LTBP1: variants seen among roughly 807,000 people sequenced by gnomAD.
The protein encoded by LTBP1 is latent-transforming growth factor beta-binding protein 1.
In LTBP1, 129 loss-of-function variants were observed where a neutral mutation model predicts 207.6. The ratio of observed to expected loss-of-function variants is 0.62; its 90% confidence interval spans 0.54 to 0.72. The LOEUF is 0.72. Among genes scored for constraint, LTBP1 ranks in the 30% least tolerant of loss-of-function variants. The pLI is 0.00. For missense variants in LTBP1, 2,281 were observed against 2,217.2 expected (o/e 1.03, Z -0.58); for synonymous variants, 963 against 833.7 (o/e 1.16, Z -2.67).
At chr2:33,360,040 A>G (rs2094908983) in intron 26 of LTBP1, among the ~76,000 whole-genome samples, 1 of 152,200 alleles carries the variant, frequency 6.6e-6, no homozygotes, top group Non-Finnish European at 1.5e-5. Flanking sequence ...ATTCAGTCAT[A>G]TATTTGCAAC....
intron 7 of LTBP1, 45 bp downstream of exon 7, chr2:33,188,896 T>C: frequency 6.4e-7 from 1 of 1,558,070 alleles, no homozygotes; most frequent in African/African-American, 1.4e-5. Context: ...CTTACAGATA[T>C]GGTATCATTT....
At chr2:33,117,885 A>G (rs1367293862) in intron 4 of LTBP1, among the ~76,000 whole-genome samples, 1 of 152,204 alleles carries the variant, frequency 6.6e-6, no homozygotes, top group Admixed American at 6.5e-5. Context: ...CCATTTGAAA[A>G]TGCTGTTGAG....
intron 2 of LTBP1, among the ~76,000 whole-genome samples, chr2:32,951,158 C>T (rs752760112): frequency 7.2e-5 from 11 of 152,214 alleles, no homozygotes; most frequent in Non-Finnish European, 1.6e-4. Context: ...TTAAGTTTTC[C>T]TGCTGGCTTC....
intron 26 of LTBP1, among the ~76,000 whole-genome samples, chr2:33,359,471 AACTTC>A (rs1305826909): frequency 6.6e-6 from 1 of 152,224 alleles, no homozygotes; most frequent in African/African-American, 2.4e-5. Context: ...ATTATCTACT[AACTTC>A]AAAACAAAGG....
At chr2:33,143,358 G>A (rs1437656946) in intron 5 of LTBP1, among the ~76,000 whole-genome samples, 2 of 152,182 alleles carry the variant, frequency 1.3e-5, no homozygotes, top group Non-Finnish European at 2.9e-5. Flanking sequence ...CTTTGGAGAT[G>A]CTGAATGCAT....
At chr2:33,119,251 G>T (rs1295470379) in intron 4 of LTBP1, among the ~76,000 whole-genome samples, 1 of 151,958 alleles carries the variant, frequency 6.6e-6, no homozygotes, top group Non-Finnish European at 1.5e-5. Context: ...AAAGAAAAGA[G>T]ATGGTGCCTC....
At chr2:33,246,065 C>T (rs1186715026) in intron 10 of LTBP1, among the ~76,000 whole-genome samples, 1 of 152,086 alleles carries the variant, frequency 6.6e-6, no homozygotes, top group Non-Finnish European at 1.5e-5. Flanking sequence ...AAACAACCAT[C>T]CATTCTTATT....
chr2:33,033,853 T>C (rs2075796550), intron 3 of LTBP1, among the ~76,000 whole-genome samples: 1 of 152,218 alleles, frequency 6.6e-6, no homozygotes, highest in African/African-American at 2.4e-5. Flanking sequence ...CTAGCTTTGG[T>C]GCTATTTTGC....
intron 9 of LTBP1, among the ~76,000 whole-genome samples, chr2:33,235,925 G>A (rs2092024972): frequency 6.6e-6 from 1 of 152,184 alleles, no homozygotes; most frequent in Non-Finnish European, 1.5e-5. Flanking sequence ...CTAGGGGAGG[G>A]ATAGCATTAG....
intron 4 of LTBP1, among the ~76,000 whole-genome samples, chr2:33,121,016 C>T (rs1307234495): frequency 2.6e-5 from 4 of 152,186 alleles, no homozygotes; most frequent in East Asian, 1.9e-4. Flanking sequence ...AAATATAATT[C>T]GCATGGAGCT....
intron 23 of LTBP1, among the ~76,000 whole-genome samples, chr2:33,313,429 A>G (rs1246331621): frequency 6.6e-6 from 1 of 152,218 alleles, no homozygotes; most frequent in African/African-American, 2.4e-5. Context: ...CTGTAGGGAA[A>G]GGGATGACTT....
chr2:33,333,444 AGCTCAG>A (rs1272810815), intron 24 of LTBP1, among the ~76,000 whole-genome samples: 1 of 152,214 alleles, frequency 6.6e-6, no homozygotes, highest in African/African-American at 2.4e-5. Flanking sequence ...ACATATTGGT[AGCTCAG>A]GCTAGAGCAG....
chr2:33,339,061 C>T (rs577358027), intron 24 of LTBP1, among the ~76,000 whole-genome samples: 47 of 151,820 alleles, frequency 3.1e-4, no homozygotes, highest in Non-Finnish European at 5.4e-4. Context: ...GGAGGCAAGA[C>T]TGGAGATGGG....
At chr2:33,222,023 C>T in intron 8 of LTBP1, 57 bp from the exon 9 acceptor site, 4 of 1,262,498 alleles carry the variant, frequency 3.2e-6, no homozygotes, top group Non-Finnish European at 4.6e-6. Context: ...ATATCACTTA[C>T]ACTAGTCTAA....
rs145255530 is a variant in LTBP1, at chr2:33,275,853, T to C, written c.2922T>C (p.Asn974=). 5.0e-6 allele frequency: 8 copies of C among 1,613,354 alleles called. No homozygotes were observed. In the African/African-American group the frequency reaches 1.1e-4, roughly 22 times the overall value. ...PDVCGEGHCV[N]TVGAFRCEYC... is the part of the protein sequence containing the mutation. ...TCTGTGGGGAGGGGCACTGTGTCAATACTGTGGGGGCCTTCCGGTGTGAAT... is the reference window on the plus strand; with the variant it reads ...TCTGTGGGGAGGGGCACTGTGTCAACACTGTGGGGGCCTTCCGGTGTGAAT... The change falls in exon 18 of 34, where the codon AAT becomes AAC. Residue 974 remains asparagine, a synonymous_variant. Transcript: ENST00000404816.
intron 15 of LTBP1, among the ~76,000 whole-genome samples, chr2:33,268,781 G>T (rs2093247223): frequency 6.6e-6 from 1 of 152,190 alleles, no homozygotes; most frequent in African/African-American, 2.4e-5. Context: ...GGGCATTTTT[G>T]TAAACCTTTC....
chr2:33,077,423 G>A (rs991233905), intron 3 of LTBP1, among the ~76,000 whole-genome samples: 6 of 152,152 alleles, frequency 3.9e-5, no homozygotes, highest in African/African-American at 1.4e-4. Flanking sequence ...CAGGAAGCAC[G>A]GCAGCATCTG....
At chr2:33,069,067 C>G (rs972259296) in intron 3 of LTBP1, among the ~76,000 whole-genome samples, 4 of 152,174 alleles carry the variant, frequency 2.6e-5, no homozygotes, top group African/African-American at 9.7e-5. Context: ...ATATTTTGCT[C>G]CGGAAGTTAA....
chr2:33,072,165 G>C (rs1280623103), intron 3 of LTBP1, among the ~76,000 whole-genome samples: 1 of 152,202 alleles, frequency 6.6e-6, no homozygotes, highest in East Asian at 1.9e-4. Context: ...AGAACTCATG[G>C]AAACACAGGT....
Sources: gnomAD v4.1 joint callset for allele counts (sites outside exome capture counted in the v4.1 genomes callset) on GRCh38, gnomAD v4.1.1 for gene constraint, MANE v1.5 for transcripts, NCBI Gene and HGNC (gene_info 2026-07-23, HGNC 2026-07-21) for gene names.